The following ETV7 variants were observed in gnomAD, a reference collection of about 807,000 sequenced individuals.
The protein encoded by ETV7 is ETS variant transcription factor 7, also known as transcription factor ETV7.
In ETV7, 43 loss-of-function variants were observed where a neutral mutation model predicts 39.1. The observed-to-expected ratio is 1.10, with a 90% CI of 0.86 to 1.42. The LOEUF (loss-of-function observed/expected upper bound fraction) is 1.42, where lower values mean the gene tolerates loss of function less well. Ranked by LOEUF, ETV7 falls within the 40% of genes most tolerant of loss-of-function variation. ETV7 has a pLI of 0.00. For synonymous variants in ETV7, 196 were observed against 176.6 expected, an observed-to-expected ratio of 1.11 and a Z score of -0.87; for missense variants, 432 against 442.3, an observed-to-expected ratio of 0.98 and a Z score of 0.21.
Position 36,368,512 on chromosome 6 carries a change from C to T in ETV7, c.807+417G>A, listed in dbSNP as rs553120640. Among the ~76,000 whole-genome samples the T allele has an allele frequency of 1.9e-4, 29 of 152,228 alleles. No homozygotes were observed. The South Asian group carries it at 4.1e-3, about 22-fold the overall frequency. On this transcript the variant is annotated intron_variant, in intron 6 of 7. Coordinates refer to ENST00000340181, the MANE Select transcript of ETV7 (RefSeq NM_016135.4). ...AGACACCCATTTAGGTATAGGCATT[C>T]CTCATCATGGGAATGCTGGCCTCAG...
intron 2 of ETV7, among the ~76,000 whole-genome samples, chr6:36,384,363 G>C (rs1773793991): frequency 6.6e-6 from 1 of 152,212 alleles, no homozygotes; most frequent in Non-Finnish European, 1.5e-5. Flanking sequence ...AAGATCTGGT[G>C]ACCATCTCAG....
At chr6:36,375,374 C>A (rs2071794) in intron 3 of ETV7, among the ~76,000 whole-genome samples, 1 of 152,088 alleles carries the variant, frequency 6.6e-6, no homozygotes, top group Admixed American at 6.6e-5. Context: ...TCCCTCCCCA[C>A]AAACTCCGTG....
At chr6:36,377,608 G>A (rs771236453) in intron 2 of ETV7, among the ~76,000 whole-genome samples, 5 of 152,200 alleles carry the variant, frequency 3.3e-5, no homozygotes, top group Non-Finnish European at 7.3e-5. Context: ...ATAAAGACCA[G>A]ACCAGCCTCT....
chr6:36,366,485 T>C lies in ETV7; in HGVS notation c.*160A>G. ...GATGACACTCCTGCCCCCAGTGTCC[T>C]GGATGGGAGGCCTCCCAGCCTTCCC... On this transcript the variant is annotated 3_prime_UTR_variant, in exon 8 of 8. Transcript: ENST00000340181. The C allele has an allele frequency of 6.7e-7, 1 of 1,503,300 alleles. No homozygotes were observed. Among genetic ancestry groups the C allele is most frequent in the African/African-American group, 1.4e-5 (1 of 71,866 alleles). The allele number at this position is 1,503,300 out of a possible 1,614,324, so 93.1% of individuals were successfully genotyped here.
At chr6:36,366,133 C>CA, downstream of ETV7, 1 of 950,994 alleles carries the variant, frequency 1.1e-6, no homozygotes, top group Non-Finnish European at 1.3e-6. Context: ...GAGATCGTGC[C>CA]ACTGCACTCC....
At position 36,373,579 on chromosome 6, in the gene ETV7, C is replaced by A; in HGVS notation, c.308-1G>T. On this transcript the variant is annotated splice_acceptor_variant, in intron 3 of 7. Transcript: ENST00000340181. LOFTEE classifies it high-confidence loss of function. ...TGGAGCAGCTCATACAGGACGTCAC[C>A]TGGAGGTGGGTGGGAGGGAGGGCAG... is the stretch of plus-strand genomic sequence containing the variant. The A allele has an allele frequency of 1.9e-6, 1 of 518,114 alleles. No individual in the cohort carries two copies. Among genetic ancestry groups the A allele is most frequent in the South Asian group, 1.7e-5 (1 of 59,862 alleles). The allele number at this position is 518,114 out of a possible 1,614,324, so 32.1% of individuals were successfully genotyped here. A position where few individuals can be genotyped will look rare whatever the true frequency, so the allele number is the denominator to read the frequency against.
At chr6:36,365,969 C>T (rs539338162), downstream of ETV7, among the ~76,000 whole-genome samples, 3 of 152,262 alleles carry the variant, frequency 2.0e-5, no homozygotes, top group Middle Eastern at 3.4e-3. Context: ...GTCGCAAGTT[C>T]GATACCAGCC....
At chr6:36,372,982 G>T (rs1181248364) in intron 4 of ETV7, among the ~76,000 whole-genome samples, 1 of 151,634 alleles carries the variant, frequency 6.6e-6, no homozygotes, top group African/African-American at 2.4e-5. Context: ...CAGAAGAGGA[G>T]GTCGAGGAGA....
At chr6:36,362,158 C>G (rs1190965028), downstream of ETV7, among the ~76,000 whole-genome samples, 2 of 152,176 alleles carry the variant, frequency 1.3e-5, no homozygotes, top group African/African-American at 2.4e-5. Context: ...ATTAGCCAGG[C>G]GCGGTGGCGG....
intron 3 of ETV7, among the ~76,000 whole-genome samples, 200 bp from the exon 4 acceptor site, chr6:36,373,778 G>C (rs1582197121): frequency 6.6e-6 from 1 of 152,380 alleles, no homozygotes; most frequent in Middle Eastern, 3.4e-3. Flanking sequence ...TCCCGTGGTG[G>C]ATGAATTTTA....
chr6:36,367,451 A>AGAAAGGAAGGAAGGAAGGAAGGC (rs1029781965), intron 6 of ETV7, among the ~76,000 whole-genome samples: 4 of 152,148 alleles, frequency 2.6e-5, no homozygotes, highest in East Asian at 1.9e-4. Context: ...ACAAAAAGAA[A>AGAAAGGAAGGAAGGAAGGAAGGC]GAAAGGAAGG....
At chr6:36,354,935 G>T (rs575407760) in intron 7 of ETV7, among the ~76,000 whole-genome samples, 33 of 152,160 alleles carry the variant, frequency 2.2e-4, no homozygotes, top group Admixed American at 7.2e-4. Context: ...TTCATTTTCA[G>T]GTTGTTCATT....
chr6:36,370,300 C>T (rs1772949389), intron 5 of ETV7, among the ~76,000 whole-genome samples: 3 of 152,014 alleles, frequency 2.0e-5, no homozygotes, highest in African/African-American at 4.8e-5. Context: ...CAAAGGAGGC[C>T]GAGGTGGGTG....
downstream of ETV7, among the ~76,000 whole-genome samples, chr6:36,363,609 C>T (rs191520430): frequency 2.4e-3 from 368 of 152,366 alleles, no homozygotes; most frequent in African/African-American, 8.5e-3. Context: ...TCAAAGGGGA[C>T]CAGAACGGGT....
intron 7 of ETV7, among the ~76,000 whole-genome samples, chr6:36,360,338 A>G (rs1472626764): frequency 6.6e-6 from 1 of 152,198 alleles, no homozygotes; most frequent in Non-Finnish European, 1.5e-5. Context: ...TCATAAGAAG[A>G]GGAGATAAGA....
chr6:36,363,006 C>T (rs963102012), downstream of ETV7, among the ~76,000 whole-genome samples: 40 of 152,168 alleles, frequency 2.6e-4, no homozygotes, highest in African/African-American at 9.2e-4. Context: ...TGGGCTGGGC[C>T]ATGTGATCTT....
rs974966319 is a variant in ETV7, at chr6:36,371,222, C to T, written c.664+108G>A. 7.2e-6 allele frequency: 8 copies of T among 1,114,506 alleles called. 1 individual carries two copies. In the South Asian group the frequency reaches 1.1e-4, roughly 15 times the overall value. 69.0% of individuals were successfully genotyped at this position (1,114,506 alleles called of 1,614,324 possible). On this transcript the variant is annotated intron_variant, in intron 5 of 7. Transcript: ENST00000340181. ...CAACGCTACCCTGCAATCCCCCAGC[C>T]ACAGACCTCCCATCACCAGGTCAAA...
At chr6:36,363,158 T>C (rs922668121), downstream of ETV7, among the ~76,000 whole-genome samples, 1 of 152,252 alleles carries the variant, frequency 6.6e-6, no homozygotes, top group Non-Finnish European at 1.5e-5. Context: ...GGTGGGTTCT[T>C]GGTCTCACTG....
At chr6:36,360,989 T>C (rs1772473097) in intron 7 of ETV7, among the ~76,000 whole-genome samples, 1 of 152,342 alleles carries the variant, frequency 6.6e-6, no homozygotes, top group South Asian at 2.1e-4. Flanking sequence ...GCTCATCAGC[T>C]ACATCTGTTT....
Sources: allele counts gnomAD v4.1 joint callset (sites outside exome capture counted in the v4.1 genomes callset), GRCh38; gene constraint gnomAD v4.1.1; transcripts MANE v1.5; gene names NCBI Gene and HGNC (gene_info 2026-07-23, HGNC 2026-07-21).